The following DOCK1 variants were observed in gnomAD, a reference collection of about 807,000 sequenced individuals.
The protein encoded by DOCK1 is dedicator of cytokinesis 1.
DOCK1 carries 138 observed loss-of-function variants against 262.7 expected under a neutral mutation model. The observed-to-expected ratio is 0.53, with a 90% CI of 0.46 to 0.61. The LOEUF (loss-of-function observed/expected upper bound fraction) is 0.61, where lower values mean the gene tolerates loss of function less well. DOCK1 is among the 20% of genes least tolerant of loss of function. The pLI, the probability that DOCK1 is intolerant of heterozygous loss-of-function variation, is 0.00. For missense variants in DOCK1, 1,908 were observed against 2,370.7 expected (o/e 0.80, Z 4.05); for synonymous variants, 866 against 867.4 (o/e 1.00, Z 0.03).
At chr10:127,127,949 AG>A in intron 27 of DOCK1, 185 bp downstream of exon 27, 2 of 413,732 alleles carry the variant, frequency 4.8e-6, no homozygotes, top group Non-Finnish European at 8.5e-6. Context: ...CCAACTTTAA[AG>A]ATGGAAACAT....
intron 13 of DOCK1, among the ~76,000 whole-genome samples, chr10:127,020,753 C>T (rs1013892553): frequency 8.6e-5 from 13 of 152,022 alleles, no homozygotes; most frequent in African/African-American, 2.4e-4. Flanking sequence ...TCACTGGCCG[C>T]GCTGTGGGCA....
chr10:127,199,233 G>A (rs966330155), intron 27 of DOCK1, among the ~76,000 whole-genome samples: 15 of 151,992 alleles, frequency 9.9e-5, no homozygotes, highest in Non-Finnish European at 1.9e-4. Flanking sequence ...AGTTCAAGAC[G>A]GCTAACTAAG....
At chr10:127,263,966 C>T (rs771780417) in intron 29 of DOCK1, among the ~76,000 whole-genome samples, 6 of 152,122 alleles carry the variant, frequency 3.9e-5, no homozygotes, top group South Asian at 2.1e-4. Context: ...CCAGGTAAAC[C>T]GAATCCCTTT....
intron 23 of DOCK1, among the ~76,000 whole-genome samples, chr10:127,065,892 C>T (rs1185631765): frequency 2.0e-5 from 3 of 152,038 alleles, no homozygotes; most frequent in African/African-American, 7.2e-5. Flanking sequence ...TGGGGTCTCT[C>T]GGTATCACCT....
At position 127,012,179 on chromosome 10, in the gene DOCK1, G is replaced by A; in HGVS notation, c.1059-53G>A. The A allele has an allele frequency of 1.1e-6, 1 of 939,888 alleles. No homozygotes were observed. The highest frequency in any genetic ancestry group is 2.4e-5 in the East Asian group (1 of 41,260). The allele number at this position is 939,888 out of a possible 1,614,324, so 58.2% of individuals were successfully genotyped here. Reference sequence around the variant, plus strand: ...ATGTTCCCTTGTTACCGTGGCCCATGGGTCTCTGTGCCCCTTTGTCTCCTG... The same window carrying A: ...ATGTTCCCTTGTTACCGTGGCCCATAGGTCTCTGTGCCCCTTTGTCTCCTG... On this transcript the variant is annotated intron_variant, in intron 11 of 51. Coordinates refer to ENST00000623213, the MANE Select transcript of DOCK1 (RefSeq NM_001290223.2). This position sits in a 1 kb window ranked among gnomAD's most constrained non-coding sequence, Gnocchi z 4.0.
chr10:127,044,032 T>C (rs539775959), intron 21 of DOCK1, among the ~76,000 whole-genome samples: 21 of 152,340 alleles, frequency 1.4e-4, no homozygotes, highest in African/African-American at 5.1e-4. Flanking sequence ...GTGGAATTTA[T>C]TGGCATTTAT....
In DOCK1 at chr10:127,237,383, A is replaced by G. The variant is rs540318966; in HGVS notation, c.2848-10625A>G. ...CTCAGGAAAAAAAAAAAAAAAGACAAAGAGTATTATAAACTAATGAAAAGA... is the reference window on the plus strand; with the variant it reads ...CTCAGGAAAAAAAAAAAAAAAGACAGAGAGTATTATAAACTAATGAAAAGA... On this transcript the variant is annotated intron_variant, in intron 27 of 51. Transcript: ENST00000623213. Among the ~76,000 whole-genome samples, 47 of 151,112 alleles carry G rather than the reference A, an allele frequency of 3.1e-4. No homozygotes were observed. The East Asian group carries it at 7.1e-3, about 23-fold the overall frequency.
chr10:127,149,019 C>T (rs1009602014), intron 27 of DOCK1, among the ~76,000 whole-genome samples: 16 of 152,068 alleles, frequency 1.1e-4, no homozygotes, highest in Non-Finnish European at 1.8e-4. Flanking sequence ...AATCCTCTGC[C>T]GAAGAAGTGT....
chr10:126,998,238 C>T lies in DOCK1; in HGVS notation c.756C>T (p.Ser252=), dbSNP rs968383926. 1.2e-6 allele frequency: 2 copies of T among 1,613,800 alleles called. No homozygotes were observed. The highest frequency in any genetic ancestry group is 1.7e-6 in the Non-Finnish European group (2 of 1,179,778). The change falls in exon 8 of 52, where the codon TCC becomes TCT. Residue 252 remains serine, a synonymous_variant. Transcript: ENST00000623213. ...TGTCTCTATATGACCCTGTGGAGTC[C>T]AAATTCATCAGGTGGGTGACATTTC... ...VLMSLYDPVE[S]KFISENYLVR...
chr10:127,345,249 G>C (rs2135773374), intron 31 of DOCK1, among the ~76,000 whole-genome samples: 1 of 152,312 alleles, frequency 6.6e-6, no homozygotes, highest in East Asian at 1.9e-4. Context: ...CTTTATGTCA[G>C]TGACTTTCTA....
At position 127,444,147 on chromosome 10, in the gene DOCK1, A is replaced by G; in HGVS notation, c.5281A>G (p.Arg1761Gly). 1.9e-6 allele frequency: 3 copies of G among 1,574,316 alleles called. No homozygotes were observed. The highest frequency in any genetic ancestry group is 1.7e-6 in the Non-Finnish European group (2 of 1,160,452). ...GTAGATAAGTCCCCTGCGGCCCCAG[A>G]GACCGAAGAGCCAGGTGATGAACGT... ...SETISPLRPQ[R>G]PKSQVMNVIG... Residue 1761 changes from arginine to glycine, a missense_variant, in exon 50 of 52, where the codon AGA becomes GGA. By Grantham distance (125) the Arg-to-Gly change is moderately radical. Coordinates refer to ENST00000623213, the MANE Select transcript of DOCK1 (RefSeq NM_001290223.2).
At chr10:127,104,621 T>G (rs2048426429) in intron 23 of DOCK1, among the ~76,000 whole-genome samples, 5 of 152,254 alleles carry the variant, frequency 3.3e-5, no homozygotes, top group Admixed American at 3.3e-4. Flanking sequence ...TTTCCAGTGT[T>G]CAAAGTGTTA....
chr10:127,165,196 CCA>C (rs2053968440), intron 27 of DOCK1, among the ~76,000 whole-genome samples: 1 of 152,142 alleles, frequency 6.6e-6, no homozygotes, highest in African/African-American at 2.4e-5. Flanking sequence ...TGGTAAATAT[CCA>C]CAGAGTCTTT....
chr10:127,286,326 C>G (rs2061151268), intron 29 of DOCK1, among the ~76,000 whole-genome samples: 1 of 152,182 alleles, frequency 6.6e-6, no homozygotes, highest in African/African-American at 2.4e-5. Context: ...TGATTTCTTT[C>G]AGCACTTCAA....
intron 1 of DOCK1, among the ~76,000 whole-genome samples, 169 bp downstream of exon 1, chr10:126,905,732 G>A (rs1331451152): frequency 3.4e-5 from 5 of 147,852 alleles, no homozygotes; most frequent in Non-Finnish European, 6.0e-5. Context: ...GACCCCGGCC[G>A]CCCCGCGCCC....
chr10:127,206,374 C>T (rs1479837117), intron 27 of DOCK1, among the ~76,000 whole-genome samples: 2 of 152,114 alleles, frequency 1.3e-5, no homozygotes, highest in African/African-American at 2.4e-5. Flanking sequence ...AAACTCGTGA[C>T]CTCAAGTGAT....
chr10:127,300,740 C>T (rs1002590808), intron 29 of DOCK1, among the ~76,000 whole-genome samples: 57 of 152,314 alleles, frequency 3.7e-4, no homozygotes, highest in African/African-American at 1.3e-3. Context: ...CCTCCCCAGC[C>T]GTTTTCTCTC....
At chr10:127,147,712 T>TG (rs2052026712) in intron 27 of DOCK1, among the ~76,000 whole-genome samples, 1 of 152,080 alleles carries the variant, frequency 6.6e-6, no homozygotes, top group Non-Finnish European at 1.5e-5. Flanking sequence ...GGCTAAGGCA[T>TG]TTTTATCAAA....
chr10:126,906,062 C>G (rs1241822154), intron 1 of DOCK1, among the ~76,000 whole-genome samples: 4 of 152,070 alleles, frequency 2.6e-5, no homozygotes, highest in Non-Finnish European at 5.9e-5. Context: ...CGCCCTTTCC[C>G]GGCGGGGAGG....
Sources: allele counts gnomAD v4.1 joint callset (sites outside exome capture counted in the v4.1 genomes callset), GRCh38; gene constraint gnomAD v4.1.1; non-coding constraint Gnocchi (gnomAD v3.1); transcripts MANE v1.5; gene names NCBI Gene and HGNC (gene_info 2026-07-23, HGNC 2026-07-21).